SDCCAG8: variants seen among roughly 807,000 people sequenced by gnomAD.
SDCCAG8 encodes the protein SHH signaling and ciliogenesis regulator SDCCAG8, also known as serologically defined colon cancer antigen 8.
In SDCCAG8, 74 loss-of-function variants were observed where a neutral mutation model predicts 101.8. That is an observed-to-expected ratio of 0.73 (90% CI 0.60 to 0.88). SDCCAG8 has a LOEUF of 0.88. Ranked by LOEUF, SDCCAG8 falls within the 40% of genes least tolerant of loss-of-function variation. The pLI is 0.00. For synonymous variants in SDCCAG8, 281 were observed against 292.9 expected (o/e 0.96, Z 0.41); for missense variants, 787 against 822.6 (o/e 0.96, Z 0.53).
intron 8 of SDCCAG8, among the ~76,000 whole-genome samples, chr1:243,315,955 T>C (rs1374772472): frequency 1.3e-5 from 2 of 152,242 alleles, no homozygotes; most frequent in African/African-American, 4.8e-5. Context: ...TTTTATTCAG[T>C]TGATAAATTG....
intron 9 of SDCCAG8, among the ~76,000 whole-genome samples, chr1:243,319,956 C>T (rs760804157): frequency 6.6e-5 from 10 of 152,020 alleles, no homozygotes; most frequent in Non-Finnish European, 1.3e-4. Flanking sequence ...AGTTCTTCAG[C>T]ATTCTTTCTT....
At chr1:243,444,067 G>A (rs1333689295) in intron 16 of SDCCAG8, among the ~76,000 whole-genome samples, 1 of 152,074 alleles carries the variant, frequency 6.6e-6, no homozygotes, top group Non-Finnish European at 1.5e-5. Context: ...AATGACAAAT[G>A]GTTATTTGAA....
intron 12 of SDCCAG8, among the ~76,000 whole-genome samples, chr1:243,369,899 A>T (rs1173727177): frequency 6.6e-6 from 1 of 152,044 alleles, no homozygotes. Context: ...AGACTTTTCT[A>T]TTTATTTCAA....
At position 243,286,361 on chromosome 1, in the gene SDCCAG8, G is replaced by A. The variant is rs766215446; in HGVS notation, c.510G>A (p.Glu170=). The A allele has an allele frequency of 6.2e-7, 1 of 1,613,972 alleles. No homozygotes were observed. Among genetic ancestry groups the A allele is most frequent in the South Asian group, 1.1e-5 (1 of 91,070 alleles). ...LQQQLKSQRQ[E]ETLREQTLLD... ...AACAGCTAAAATCTCAAAGACAAGA[G>A]GAGACACTGAGGGAACAAACACTTC... Residue 170 remains glutamate, a synonymous_variant, in exon 5 of 18, where the codon GAG becomes GAA. Transcript: ENST00000366541.
chr1:243,439,524 C>T (rs1408051012), intron 16 of SDCCAG8, among the ~76,000 whole-genome samples: 1 of 151,852 alleles, frequency 6.6e-6, no homozygotes, highest in Admixed American at 6.6e-5. Flanking sequence ...ACTCCAGAGG[C>T]TGAGGCAGGA....
At chr1:243,404,202 A>G (rs1379248339) in intron 13 of SDCCAG8, among the ~76,000 whole-genome samples, 1 of 152,222 alleles carries the variant, frequency 6.6e-6, no homozygotes, top group Non-Finnish European at 1.5e-5. Flanking sequence ...TCAGAGCACA[A>G]AGTCCTCAGT....
At chr1:243,484,809 G>A (rs1452590889) in intron 16 of SDCCAG8, among the ~76,000 whole-genome samples, 1 of 152,200 alleles carries the variant, frequency 6.6e-6, no homozygotes, top group Non-Finnish European at 1.5e-5. Context: ...ACTTTGGGAG[G>A]CCAAGGCGGG....
intron 12 of SDCCAG8, among the ~76,000 whole-genome samples, chr1:243,378,147 A>G (rs2077710129): frequency 6.6e-6 from 1 of 151,586 alleles, no homozygotes; most frequent in South Asian, 2.1e-4. Flanking sequence ...GAAATCTCAT[A>G]CACTCTCAAT....
At chr1:243,326,596 C>A (rs1170713175) in intron 9 of SDCCAG8, among the ~76,000 whole-genome samples, 2 of 152,036 alleles carry the variant, frequency 1.3e-5, no homozygotes, top group Non-Finnish European at 2.9e-5. Flanking sequence ...AAATTAAAAT[C>A]AATAGTTTGC....
chr1:243,473,170 T>G (rs1661592554), intron 16 of SDCCAG8, among the ~76,000 whole-genome samples: 1 of 152,162 alleles, frequency 6.6e-6, no homozygotes, highest in Non-Finnish European at 1.5e-5. Context: ...TTTAATCTCT[T>G]TTACCTTCCA....
chr1:243,263,217 T>C (rs1260419510), intron 1 of SDCCAG8, among the ~76,000 whole-genome samples: 4 of 152,196 alleles, frequency 2.6e-5, no homozygotes, highest in Non-Finnish European at 5.9e-5. Context: ...CTGTCTTGTT[T>C]TATTGATTTT....
intron 9 of SDCCAG8, among the ~76,000 whole-genome samples, chr1:243,320,037 ATC>A (rs1199073833): frequency 1.3e-5 from 2 of 152,066 alleles, no homozygotes. Context: ...AAATTTTACC[ATC>A]TCAAATTGAA....
intron 16 of SDCCAG8, among the ~76,000 whole-genome samples, chr1:243,440,921 A>G (rs535770027): frequency 1.3e-5 from 2 of 152,254 alleles, no homozygotes; most frequent in South Asian, 4.1e-4. Flanking sequence ...TTTTGTGATA[A>G]TATCTTGATG....
rs1484449882 is a variant in SDCCAG8, at chr1:243,260,035, T to A, written c.67+3795T>A. ...TCACCTTTCATCCATTCCCTTACAC[T>A]TTTCAGTGGATTTGCTGTTTGACTT... On this transcript the variant is annotated intron_variant, in intron 1 of 17. Coordinates refer to ENST00000366541, the MANE Select transcript of SDCCAG8 (RefSeq NM_006642.5). Among the ~76,000 whole-genome samples the A allele has an allele frequency of 2.6e-5, 4 of 152,320 alleles. No homozygotes were observed. The South Asian group carries it at 6.2e-4, about 24-fold the overall frequency.
Position 243,467,352 on chromosome 1 carries a change from G to A in SDCCAG8, c.1986-21662G>A, listed in dbSNP as rs77264966. Among the ~76,000 whole-genome samples the A allele has an allele frequency of 2.0e-5, 3 of 152,346 alleles. No individual in the cohort carries two copies. The East Asian group carries it at 5.8e-4, about 29-fold the overall frequency. ...ACCAGTGAGAGAGACTTGGCTTATAGCAATCAGTCCAGCTCCAGTCAGATA... is the reference window on the plus strand; with the variant it reads ...ACCAGTGAGAGAGACTTGGCTTATAACAATCAGTCCAGCTCCAGTCAGATA... On this transcript the variant is annotated intron_variant, in intron 16 of 17. Coordinates refer to ENST00000366541, the MANE Select transcript of SDCCAG8 (RefSeq NM_006642.5).
At chr1:243,295,326 C>G (rs2070758776) in intron 6 of SDCCAG8, among the ~76,000 whole-genome samples, 1 of 152,156 alleles carries the variant, frequency 6.6e-6, no homozygotes, top group Non-Finnish European at 1.5e-5. Flanking sequence ...CAACCTCAGC[C>G]TCCCGGGTGC....
At chr1:243,485,915 C>T (rs974322992) in intron 16 of SDCCAG8, among the ~76,000 whole-genome samples, 4 of 139,300 alleles carry the variant, frequency 2.9e-5, no homozygotes, top group African/African-American at 1.1e-4. Flanking sequence ...AAATCAATCT[C>T]GGGCCGGGCG....
chr1:243,381,028 C>A (rs72759851), intron 13 of SDCCAG8, among the ~76,000 whole-genome samples: 1 of 151,824 alleles, frequency 6.6e-6, no homozygotes, highest in Non-Finnish European at 1.5e-5. Context: ...AATGTTGTGT[C>A]GTTCTTTTTC....
intron 12 of SDCCAG8, among the ~76,000 whole-genome samples, chr1:243,372,662 A>G (rs974761316): frequency 2.0e-5 from 3 of 151,828 alleles, no homozygotes; most frequent in African/African-American, 4.8e-5. Flanking sequence ...GGATTGTGAA[A>G]TCAATTTTAT....
Sources: gnomAD v4.1 joint callset for allele counts (sites outside exome capture counted in the v4.1 genomes callset) on GRCh38, gnomAD v4.1.1 for gene constraint, MANE v1.5 for transcripts, NCBI Gene and HGNC (gene_info 2026-07-23, HGNC 2026-07-21) for gene names.